The following ABCC10 variants were observed in gnomAD, a reference collection of about 807,000 sequenced individuals.
ABCC10 encodes ATP-binding cassette sub-family C member 10.
ABCC10 carries 110 observed loss-of-function variants against 143.2 expected under a neutral mutation model. That is an observed-to-expected ratio of 0.77 (90% CI 0.66 to 0.90). The LOEUF is 0.90. Ranked by LOEUF, ABCC10 falls within the 40% of genes least tolerant of loss-of-function variation. The pLI is 0.00. For missense variants in ABCC10, 1,700 were observed against 1,900.5 expected, an observed-to-expected ratio of 0.89 and a Z score of 1.96; for synonymous variants, 805 against 846.7, an observed-to-expected ratio of 0.95 and a Z score of 0.85.
At position 43,443,362 on chromosome 6, in the gene ABCC10, A is replaced by G. The variant is rs892775762; in HGVS notation, c.2416+203A>G. On this transcript the variant is annotated intron_variant, in intron 10 of 21. Transcript: ENST00000372530. The surrounding 1 kb of genome is among the most constrained non-coding windows in gnomAD (Gnocchi z 4.2). ...TAAAATGCCAGTGTATTTGGGACTC[A>G]TGGGCTTTGTGACTGGGTGCTCTTG... 1.9e-6 allele frequency: 1 copy of G among 520,508 alleles called. No homozygotes were observed. The highest frequency in any genetic ancestry group is 3.2e-6 in the Non-Finnish European group (1 of 308,134). 32.2% of individuals were successfully genotyped at this position (520,508 alleles called of 1,614,324 possible). A position where few individuals can be genotyped will look rare whatever the true frequency, so the allele number is the denominator to read the frequency against.
intron 9 of ABCC10, 26 bp downstream of exon 9, chr6:43,441,986 G>C: frequency 6.2e-7 from 1 of 1,603,994 alleles, no homozygotes; most frequent in Non-Finnish European, 8.5e-7. Flanking sequence ...AGGTTGCAGT[G>C]GCAGGGAGGT....
At position 43,447,316 on chromosome 6, in the gene ABCC10, T is replaced by G; in HGVS notation, c.3613T>G (p.Phe1205Val). 3.1e-6 allele frequency: 5 copies of G among 1,613,674 alleles called. No homozygotes were observed. The highest frequency in any genetic ancestry group is 3.4e-6 in the Non-Finnish European group (4 of 1,180,004). Residue 1205 changes from phenylalanine (F) to valine (V), a missense_variant, in exon 17 of 22, where the codon TTC becomes GTC. Physicochemically the swap from Phe to Val is conservative, Grantham distance 50. Transcript: ENST00000372530. ...TGLLSGLVSS[F>V]TQTEAMLVSV... ...CCTGCTCTCGGGCCTGGTGAGCAGC[T>G]TCACACAGACAGAGGCCATGCTGGT...
chr6:43,441,577 G>A (rs1007250027), intron 8 of ABCC10, among the ~76,000 whole-genome samples: 1 of 152,208 alleles, frequency 6.6e-6, no homozygotes, highest in Non-Finnish European at 1.5e-5. Context: ...TAATCTGTCT[G>A]AGCTTTGGTT....
Position 43,441,903 on chromosome 6 carries a change from T to A in ABCC10, c.2169T>A (p.Gly723=). Residue 723 remains glycine (G), a synonymous_variant, in exon 9 of 22, where the codon GGT becomes GGA. Coordinates refer to ENST00000372530, the MANE Select transcript of ABCC10 (RefSeq NM_001198934.2). ...ACCAGACAGAGGTGGGGGAGAAGGG[T>A]GTCACCCTTAGCGGAGGACAGCGTG... ...AGDQTEVGEK[G]VTLSGGQRAR... 1 of 1,613,732 alleles carries A rather than the reference T, an allele frequency of 6.2e-7. No individual in the cohort carries two copies. The highest frequency in any genetic ancestry group is 8.5e-7 in the Non-Finnish European group (1 of 1,179,882).
At position 43,446,364 on chromosome 6, in the gene ABCC10, G is replaced by A; in HGVS notation, c.3462G>A (p.Arg1154=). ...CCACAATGCAGTGGCTGGACATTCG[G>A]CTACAGCTCATGGGGGCGGCAGTGG... ...TSATMQWLDI[R]LQLMGAAVVS... Residue 1154 remains arginine, a synonymous_variant, in exon 16 of 22, where the codon CGG becomes CGA. Transcript: ENST00000372530. 1 of 1,613,744 alleles carries A rather than the reference G, an allele frequency of 6.2e-7. No individual in the cohort carries two copies. Among genetic ancestry groups the A allele is most frequent in the Admixed American group, 1.7e-5 (1 of 60,012 alleles).
Position 43,428,098 on chromosome 6 carries a change from G to A in ABCC10, c.120G>A (p.Ala40=), listed in dbSNP as rs1398006036. The A allele has an allele frequency of 1.3e-6, 2 of 1,553,866 alleles. No individual in the cohort carries two copies. The highest frequency in any genetic ancestry group is 1.7e-6 in the Non-Finnish European group (2 of 1,150,982). ...TQLVLSALPH[A]LLAVLSACYL... is the part of the protein sequence containing the mutation. ...TGGTGCTCAGCGCCCTGCCCCACGCGCTCCTCGCCGTGCTCAGTGCCTGTT... is the reference window on the plus strand; with the variant it reads ...TGGTGCTCAGCGCCCTGCCCCACGCACTCCTCGCCGTGCTCAGTGCCTGTT... The change falls in exon 2 of 22, where the codon GCG becomes GCA. Residue 40 remains alanine (A), a synonymous_variant. Coordinates refer to ENST00000372530, the MANE Select transcript of ABCC10 (RefSeq NM_001198934.2).
In ABCC10 at chr6:43,434,703, G is replaced by A. The variant is rs781612706; in HGVS notation, c.1463G>A (p.Cys488Tyr). The A allele has an allele frequency of 3.1e-6, 5 of 1,614,190 alleles. No individual in the cohort carries two copies. The highest frequency in any genetic ancestry group is 1.6e-4 in the Middle Eastern group (1 of 6,062). Residue 488 changes from cysteine (C) to tyrosine (Y), a missense_variant, in exon 4 of 22, where the codon TGC (cysteine) becomes TAC (tyrosine). Physicochemically the swap from Cys to Tyr is radical, Grantham distance 194. Transcript: ENST00000372530. ...GCACTGGGAGCCCGAGTAGAGGCCT[G>A]CCGGGCTCGAGAGCTGGGGCGACTC... ...EQALGARVEA[C>Y]RARELGRLRV...
chr6:43,428,801 C>T (rs1780782009), intron 2 of ABCC10, among the ~76,000 whole-genome samples: 1 of 152,146 alleles, frequency 6.6e-6, no homozygotes, highest in East Asian at 1.9e-4. Flanking sequence ...AGTTCCTAGT[C>T]TGATGGGGGG....
chr6:43,434,887 C>T (rs1410232014), intron 4 of ABCC10, 39 bp downstream of exon 4: 2 of 1,595,412 alleles, frequency 1.3e-6, no homozygotes, highest in South Asian at 2.2e-5. Context: ...ATCAAGGAGA[C>T]TTCAGCGAAG....
chr6:43,449,404 C>A lies in ABCC10; in HGVS notation c.4204-18C>A. 6.2e-7 allele frequency: 1 copy of A among 1,604,352 alleles called. No individual in the cohort carries two copies. Among genetic ancestry groups the A allele is most frequent in the Non-Finnish European group, 8.5e-7 (1 of 1,172,880 alleles). On this transcript the variant is annotated intron_variant, in intron 20 of 21. Coordinates refer to ENST00000372530, the MANE Select transcript of ABCC10 (RefSeq NM_001198934.2). Reference sequence around the variant, plus strand: ...CCTCTCCTTCCTTCTTATCCCCTACCCCATTCCCATATTCCAGATCCTGTG... The same window carrying A: ...CCTCTCCTTCCTTCTTATCCCCTACACCATTCCCATATTCCAGATCCTGTG...
At chr6:43,447,579 T>C in intron 17 of ABCC10, 105 bp from the exon 18 acceptor site, 1 of 1,562,000 alleles carries the variant, frequency 6.4e-7, no homozygotes. Flanking sequence ...ATTCTCTCAT[T>C]CCTCTCACAC....
At position 43,431,716 on chromosome 6, in the gene ABCC10, T is replaced by C. The variant is rs141019051; in HGVS notation, c.162-426T>C. 4.7e-4 allele frequency: 346 copies of C among 730,488 alleles called. 2 individuals are homozygous for C. The highest frequency in any genetic ancestry group is 1.2e-3 in the Admixed American group (21 of 17,134). 45.3% of individuals were successfully genotyped at this position (730,488 alleles called of 1,614,324 possible). On this transcript the variant is annotated intron_variant, in intron 2 of 21. Transcript: ENST00000372530. ...AGGCATATGTGCTTGTTTGTTATTATACATGGATATATTATGTGATGCTGA... is the reference window on the plus strand; with the variant it reads ...AGGCATATGTGCTTGTTTGTTATTACACATGGATATATTATGTGATGCTGA...
chr6:43,450,899 T>C (rs1162709452), downstream of ABCC10: 1 of 1,614,036 alleles, frequency 6.2e-7, no homozygotes, highest in Non-Finnish European at 8.5e-7. This position sits in a 1 kb window ranked among gnomAD's most constrained non-coding sequence, Gnocchi z 4.5. Flanking sequence ...AGGTGGGCCC[T>C]AGAGGGGTGT....
chr6:43,449,679 G>A, intron 21 of ABCC10, 145 bp downstream of exon 21: 1 of 800,720 alleles, frequency 1.2e-6, no homozygotes, highest in East Asian at 2.7e-5. Context: ...GGGACGAGAA[G>A]GGTCCTTTAT....
At chr6:43,430,458 G>A (rs549052677) in intron 2 of ABCC10, among the ~76,000 whole-genome samples, 2 of 152,040 alleles carry the variant, frequency 1.3e-5, no homozygotes, top group African/African-American at 4.8e-5. Context: ...CTGTCATCAG[G>A]TGGACTTTTA....
rs1289213295 is a variant in ABCC10 at position 43,435,784 on chromosome 6, A to T, written c.1642A>T (p.Ile548Phe). 6.2e-7 allele frequency: 1 copy of T among 1,614,162 alleles called. No homozygotes were observed. Among genetic ancestry groups the T allele is most frequent in the Non-Finnish European group, 8.5e-7 (1 of 1,180,004 alleles). The change falls in exon 5 of 22, where the codon ATT becomes TTT. Residue 548 changes from isoleucine to phenylalanine, a missense_variant. Coordinates refer to ENST00000372530, the MANE Select transcript of ABCC10 (RefSeq NM_001198934.2). ...GGCCCTGGCACTGGTGCGAATGCTCATTCTTCCTCTCAACAACTTCCCTTG... is the reference window on the plus strand; with the variant it reads ...GGCCCTGGCACTGGTGCGAATGCTCTTTCTTCCTCTCAACAACTTCCCTTG... ...FTALALVRML[I>F]LPLNNFPWVI... is the part of the protein sequence containing the mutation.
chr6:43,429,050 A>G (rs933508879), intron 2 of ABCC10, among the ~76,000 whole-genome samples: 3 of 151,272 alleles, frequency 2.0e-5, no homozygotes, highest in East Asian at 3.8e-4. Context: ...AAGAAAGACC[A>G]TCATGTGATC....
chr6:43,427,859 G>T, intron 1 of ABCC10, 102 bp downstream of exon 1: 1 of 1,286,960 alleles, frequency 7.8e-7, no homozygotes, highest in Middle Eastern at 1.9e-4. Context: ...CGGAAGCGAC[G>T]GGCGGTCCCG....
Position 43,447,319 on chromosome 6 carries a change from A to C in ABCC10, c.3616A>C (p.Thr1206Pro). The C allele has an allele frequency of 6.2e-7, 1 of 1,613,594 alleles. No homozygotes were observed. The highest frequency in any genetic ancestry group is 1.1e-5 in the South Asian group (1 of 91,080). Reference protein sequence around the residue: ...GLLSGLVSSFTQTEAMLVSVE... With the variant: ...GLLSGLVSSFPQTEAMLVSVE... Reference sequence around the variant, plus strand: ...GCTCTCGGGCCTGGTGAGCAGCTTCACACAGACAGAGGCCATGCTGGTGAG... The same window carrying C: ...GCTCTCGGGCCTGGTGAGCAGCTTCCCACAGACAGAGGCCATGCTGGTGAG... The change falls in exon 17 of 22, where the codon ACA becomes CCA. Residue 1206 changes from threonine (T) to proline (P), a missense_variant. Physicochemically the swap from Thr to Pro is conservative, Grantham distance 38. Coordinates refer to ENST00000372530, the MANE Select transcript of ABCC10 (RefSeq NM_001198934.2).
Sources: allele counts gnomAD v4.1 joint callset (sites outside exome capture counted in the v4.1 genomes callset), GRCh38; gene constraint gnomAD v4.1.1; non-coding constraint Gnocchi (gnomAD v3.1); transcripts MANE v1.5; gene names NCBI Gene and HGNC (gene_info 2026-07-23, HGNC 2026-07-21).